Variants in RNGTT observed in about 807,000 individuals in gnomAD.
The protein encoded by RNGTT is RNA guanylyltransferase and 5'-phosphatase, also known as mRNA-capping enzyme.
In RNGTT, 33 loss-of-function variants were observed where a neutral mutation model predicts 79.3. The observed-to-expected ratio is 0.42, with a 90% CI of 0.32 to 0.56. The LOEUF is 0.56. Ranked by LOEUF, RNGTT falls within the 20% of genes least tolerant of loss-of-function variation. The pLI, the probability that RNGTT is intolerant of heterozygous loss-of-function variation, is 0.17. For synonymous variants in RNGTT, 222 were observed against 235.9 expected (o/e 0.94, Z 0.54); for missense variants, 497 against 739.1 (o/e 0.67, Z 3.80).
chr6:88,663,751 G>A (rs1774278183), intron 14 of RNGTT, among the ~76,000 whole-genome samples: 1 of 152,184 alleles, frequency 6.6e-6, no homozygotes, highest in South Asian at 2.1e-4. Context: ...TCCCTTGGCA[G>A]CTTGCTTGCA....
chr6:88,826,259 T>G (rs1047974030), intron 11 of RNGTT, among the ~76,000 whole-genome samples: 1 of 152,184 alleles, frequency 6.6e-6, no homozygotes, highest in Admixed American at 6.5e-5. Context: ...TCTGACACCC[T>G]TCTTCAACAC....
intron 1 of RNGTT, among the ~76,000 whole-genome samples, chr6:88,945,461 ACT>A (rs1784977221): frequency 6.6e-6 from 1 of 151,636 alleles, no homozygotes; most frequent in Non-Finnish European, 1.5e-5. Flanking sequence ...TGACACCCAA[ACT>A]CTTGTTAGTT....
intron 4 of RNGTT, among the ~76,000 whole-genome samples, chr6:88,912,962 T>C (rs528353083): frequency 1.8e-4 from 28 of 151,928 alleles, no homozygotes; most frequent in Non-Finnish European, 3.2e-4. Context: ...CCCAACACTT[T>C]AGGAGGCTGA....
chr6:88,839,929 A>C (rs879498604), intron 11 of RNGTT, among the ~76,000 whole-genome samples: 2 of 152,218 alleles, frequency 1.3e-5, no homozygotes, highest in African/African-American at 2.4e-5. Context: ...AACAGATCAA[A>C]TTAAACAAAA....
At chr6:88,718,294 C>T (rs918033709) in intron 13 of RNGTT, among the ~76,000 whole-genome samples, 8 of 150,196 alleles carry the variant, frequency 5.3e-5, no homozygotes, top group East Asian at 2.0e-4. Flanking sequence ...GGCTGAGGCA[C>T]GAGAATCACT....
intron 14 of RNGTT, among the ~76,000 whole-genome samples, chr6:88,652,931 G>A (rs1293990805): frequency 6.6e-6 from 1 of 152,136 alleles, no homozygotes; most frequent in Non-Finnish European, 1.5e-5. Context: ...AGTATTCGCT[G>A]AAGGAATGAT....
At chr6:88,673,997 G>A (rs528069718) in intron 14 of RNGTT, among the ~76,000 whole-genome samples, 3 of 152,316 alleles carry the variant, frequency 2.0e-5, no homozygotes, top group African/African-American at 7.2e-5. Flanking sequence ...TGAATTCGGT[G>A]AATGGGATAG....
At chr6:88,647,715 A>AAAAAAAAAAAAAAAAAAAAAG (rs531898293) in intron 14 of RNGTT, among the ~76,000 whole-genome samples, 11 of 142,504 alleles carry the variant, frequency 7.7e-5, no homozygotes, top group Admixed American at 1.4e-4. Flanking sequence ...AAAAAAAAAA[A>AAAAAAAAAAAAAAAAAAAAAG]AAGAAGAAGA....
chr6:88,644,777 A>G (rs1773473372), intron 14 of RNGTT, among the ~76,000 whole-genome samples: 1 of 152,234 alleles, frequency 6.6e-6, no homozygotes, highest in Admixed American at 6.5e-5. Context: ...ATAGATGCAG[A>G]AAAGGCCTTT....
intron 11 of RNGTT, among the ~76,000 whole-genome samples, chr6:88,813,703 T>C (rs1780216944): frequency 6.6e-6 from 1 of 152,202 alleles, no homozygotes. Context: ...AGAGTCCATA[T>C]TGTTAGCTGC....
chr6:88,757,887 C>A (rs76702696), intron 13 of RNGTT, among the ~76,000 whole-genome samples: 425 of 152,202 alleles, frequency 2.8e-3, no homozygotes, highest in African/African-American at 9.8e-3. Context: ...ACCTCAGATT[C>A]CAAAAAGCAA....
chr6:88,792,941 T>C (rs1040995046), intron 12 of RNGTT, among the ~76,000 whole-genome samples: 2 of 152,190 alleles, frequency 1.3e-5, no homozygotes, highest in Non-Finnish European at 2.9e-5. Context: ...TTAATATATA[T>C]TTATACTTAG....
chr6:88,866,098 A>G (rs535415349), intron 8 of RNGTT, among the ~76,000 whole-genome samples: 2 of 152,292 alleles, frequency 1.3e-5, no homozygotes, highest in Admixed American at 6.5e-5. Flanking sequence ...TTATCAAAGC[A>G]TATCTTTCAC....
At chr6:88,939,522 T>C (rs540632645) in intron 2 of RNGTT, among the ~76,000 whole-genome samples, 30 of 152,310 alleles carry the variant, frequency 2.0e-4, no homozygotes, top group African/African-American at 7.2e-4. Context: ...TTGTATTGCT[T>C]TTCAGTATTC....
intron 14 of RNGTT, among the ~76,000 whole-genome samples, chr6:88,661,132 C>T (rs1397871528): frequency 2.0e-5 from 3 of 152,060 alleles, no homozygotes; most frequent in Admixed American, 6.6e-5. Flanking sequence ...ATGATAGTGA[C>T]ACAACCTATC....
chr6:88,906,225 CA>C (rs1241133470), intron 5 of RNGTT, 139 bp downstream of exon 5: 1 of 614,136 alleles, frequency 1.6e-6, no homozygotes, highest in African/African-American at 1.9e-5. Flanking sequence ...AAAGATTAAC[CA>C]TATCTAAAAT....
intron 13 of RNGTT, among the ~76,000 whole-genome samples, chr6:88,713,537 T>C (rs1776391527): frequency 6.6e-6 from 1 of 152,226 alleles, no homozygotes. Flanking sequence ...GCATCGATAG[T>C]TTATAAACCT....
intron 4 of RNGTT, among the ~76,000 whole-genome samples, chr6:88,922,539 T>C (rs2127950790): frequency 6.6e-6 from 1 of 152,174 alleles, no homozygotes; most frequent in Middle Eastern, 3.4e-3. Flanking sequence ...AAAAAATTTT[T>C]TTTTTTGAGA....
intron 4 of RNGTT, among the ~76,000 whole-genome samples, chr6:88,913,492 A>T (rs1783903421): frequency 6.6e-6 from 1 of 152,220 alleles, no homozygotes. Context: ...CCAGCACCAC[A>T]TCAAAAAGCT....
Sources: allele counts gnomAD v4.1 joint callset (sites outside exome capture counted in the v4.1 genomes callset), GRCh38; gene constraint gnomAD v4.1.1; transcripts MANE v1.5; gene names NCBI Gene and HGNC (gene_info 2026-07-23, HGNC 2026-07-21).